RPS6KC1: variants seen among roughly 807,000 people sequenced by gnomAD.
RPS6KC1 encodes the protein ribosomal protein S6 kinase C1.
Under a neutral mutation model 103.8 loss-of-function variants are expected in RPS6KC1, and 54 were observed. The ratio of observed to expected loss-of-function variants is 0.52; its 90% CI spans 0.42 to 0.65. RPS6KC1 has a LOEUF of 0.65. RPS6KC1 is among the 30% of genes least tolerant of loss of function. The pLI is 0.00. For synonymous variants in RPS6KC1, 439 were observed against 438.7 expected (o/e 1.00, Z -0.01); for missense variants, 1,151 against 1,253.8 (o/e 0.92, Z 1.24).
the RPS6KC1 span, among the ~76,000 whole-genome samples, chr1:213,637,213 A>C: frequency 6.6e-6 from 1 of 152,188 alleles, no homozygotes; most frequent in African/African-American, 2.4e-5. Flanking sequence ...GCAATTCCTC[A>C]AGGATCTAGA....
At chr1:213,499,003 C>T in the RPS6KC1 span, among the ~76,000 whole-genome samples, 1 of 149,716 alleles carries the variant, frequency 6.7e-6, no homozygotes, top group Non-Finnish European at 1.5e-5. Flanking sequence ...CGGTCTCGAA[C>T]TCCTGACCTC....
intron 8 of RPS6KC1, among the ~76,000 whole-genome samples, chr1:213,217,919 CTGAA>C (rs2093712279): frequency 6.6e-6 from 1 of 152,142 alleles, no homozygotes; most frequent in South Asian, 2.1e-4. Flanking sequence ...CAATATCATA[CTGAA>C]TGGGCAAAAC....
At chr1:213,599,217 C>A in the RPS6KC1 span, among the ~76,000 whole-genome samples, 7 of 152,092 alleles carry the variant, frequency 4.6e-5, no homozygotes, top group East Asian at 1.3e-3. Context: ...CAGCTCTATT[C>A]TATTTAGGGA....
At chr1:213,567,164 A>G in the RPS6KC1 span, among the ~76,000 whole-genome samples, 1 of 152,220 alleles carries the variant, frequency 6.6e-6, no homozygotes, top group Non-Finnish European at 1.5e-5. Flanking sequence ...ATATGAAGTC[A>G]CACCTGTGAT....
At chr1:213,388,199 T>C in the RPS6KC1 span, among the ~76,000 whole-genome samples, 37 of 152,244 alleles carry the variant, frequency 2.4e-4, no homozygotes, top group Admixed American at 1.4e-3. Context: ...CCTCTCCCTC[T>C]TGTGCCCAGA....
intron 10 of RPS6KC1, among the ~76,000 whole-genome samples, chr1:213,233,565 T>C (rs2094152128): frequency 6.6e-6 from 1 of 152,194 alleles, no homozygotes; most frequent in Non-Finnish European, 1.5e-5. Flanking sequence ...ATTTTCAGTC[T>C]TAACTTACCT....
At chr1:213,639,071 T>C in the RPS6KC1 span, among the ~76,000 whole-genome samples, 21,889 of 152,118 alleles carry the variant, frequency 0.14, 2,514 homozygotes, top group African/African-American at 0.32. Context: ...ATATGTTTTG[T>C]AAGGCTTATT....
the RPS6KC1 span, among the ~76,000 whole-genome samples, chr1:213,839,122 C>G: frequency 6.6e-6 from 1 of 152,156 alleles, no homozygotes; most frequent in African/African-American, 2.4e-5. Flanking sequence ...GTTCATTGTT[C>G]TACTGAGAGG....
At chr1:213,781,061 T>C in the RPS6KC1 span, among the ~76,000 whole-genome samples, 1 of 151,920 alleles carries the variant, frequency 6.6e-6, no homozygotes, top group Non-Finnish European at 1.5e-5. Flanking sequence ...AAAAATAATC[T>C]CAATCTAGAT....
chr1:213,168,094 A>C, intron 7 of RPS6KC1, 121 bp downstream of exon 7: 1 of 576,168 alleles, frequency 1.7e-6, no homozygotes, highest in Non-Finnish European at 2.9e-6. Context: ...AATGATTTTC[A>C]TAAAGGTTGT....
At chr1:213,630,192 C>T in the RPS6KC1 span, among the ~76,000 whole-genome samples, 3 of 152,128 alleles carry the variant, frequency 2.0e-5, no homozygotes, top group African/African-American at 4.8e-5. Context: ...CAACTTGGTT[C>T]CATTCTCCCC....
At chr1:213,792,979 G>A in the RPS6KC1 span, among the ~76,000 whole-genome samples, 1 of 152,114 alleles carries the variant, frequency 6.6e-6, no homozygotes, top group East Asian at 1.9e-4. Flanking sequence ...GTTGTCATTT[G>A]TTGATGAGAA....
chr1:213,849,036 G>T, the RPS6KC1 span, among the ~76,000 whole-genome samples: 1 of 152,192 alleles, frequency 6.6e-6, no homozygotes, highest in Non-Finnish European at 1.5e-5. Context: ...TGTCAACAGA[G>T]GCTGACAGAA....
chr1:213,756,032 G>A, the RPS6KC1 span, among the ~76,000 whole-genome samples: 3 of 152,202 alleles, frequency 2.0e-5, no homozygotes, highest in Admixed American at 6.5e-5. Context: ...GGCTTACAAA[G>A]AAGTGTTGAG....
chr1:213,704,257 G>C, the RPS6KC1 span, among the ~76,000 whole-genome samples: 1 of 150,904 alleles, frequency 6.6e-6, no homozygotes, highest in Admixed American at 6.6e-5. Context: ...CGAGGTGGCG[G>C]GCGCCTGTAG....
the RPS6KC1 span, among the ~76,000 whole-genome samples, chr1:213,748,784 A>G: frequency 6.6e-6 from 1 of 152,226 alleles, no homozygotes; most frequent in Non-Finnish European, 1.5e-5. Context: ...GAGATATATC[A>G]CCTTTCAAAC....
chr1:213,256,335 A>G (rs1034718473), intron 12 of RPS6KC1, among the ~76,000 whole-genome samples: 7 of 152,108 alleles, frequency 4.6e-5, no homozygotes, highest in Admixed American at 1.3e-4. Context: ...ACTGTGGTTG[A>G]CAGCTTAGCT....
the RPS6KC1 span, among the ~76,000 whole-genome samples, chr1:213,491,820 C>T: frequency 1.3e-5 from 2 of 152,262 alleles, no homozygotes; most frequent in South Asian, 4.2e-4. Flanking sequence ...GAGTCCCCAG[C>T]GCATCCAGTG....
Position 213,081,381 on chromosome 1 carries a change from A to G in RPS6KC1, c.262+3565A>G, listed in dbSNP as rs74140561. Among the ~76,000 whole-genome samples, 352 of 152,254 alleles carry G rather than the reference A, an allele frequency of 2.3e-3. 2 individuals carry two copies. The highest frequency in any genetic ancestry group is 7.7e-3 in the African/African-American group (321 of 41,552). ...GAGGAGGAGGTGCCAGGCTTTTTCC[A>G]ACAGGTTTAGTTCACGGGAACTAAG... On this transcript the variant is annotated intron_variant, in intron 3 of 14. Transcript: ENST00000366960.
Sources: gnomAD v4.1 joint callset for allele counts (sites outside exome capture counted in the v4.1 genomes callset) on GRCh38, gnomAD v4.1.1 for gene constraint, MANE v1.5 for transcripts, NCBI Gene and HGNC (gene_info 2026-07-23, HGNC 2026-07-21) for gene names.